NYAP2: variants seen among roughly 807,000 people sequenced by gnomAD.
NYAP2 encodes neuronal tyrosine-phosphorylated phosphoinositide-3-kinase adapter 2.
Under a neutral mutation model 50.4 loss-of-function variants are expected in NYAP2, and 23 were observed. The observed-to-expected ratio is 0.46, with a 90% CI of 0.33 to 0.65. NYAP2 has a LOEUF of 0.65. Ranked by LOEUF, NYAP2 falls within the 30% of genes least tolerant of loss-of-function variation. The pLI, the probability that NYAP2 is intolerant of heterozygous loss-of-function variation, is 0.02. For synonymous variants in NYAP2, 394 were observed against 365.2 expected (o/e 1.08, Z -0.90); for missense variants, 885 against 861.0 (o/e 1.03, Z -0.35).
Position 225,626,968 on chromosome 2 carries a change from AG to A in NYAP2, c.1671del (p.Lys557AsnfsTer37). On this transcript the variant is annotated frameshift_variant, in exon 6 of 7. Transcript: ENST00000636099. LOFTEE classifies it high-confidence loss of function. ...AGCCACAGCACGGAGCCATTACCAA[AG>A]TTGGACAACAAGGAAAGAGGCCACC... The A allele has an allele frequency of 6.3e-7, 1 of 1,586,696 alleles. No individual in the cohort carries two copies. The highest frequency in any genetic ancestry group is 1.8e-5 in the Admixed American group (1 of 55,822).
At position 225,651,158 on chromosome 2, in the gene NYAP2, C is replaced by G. The variant is rs188792151; in HGVS notation, c.1829-274C>G. ...TGGGTTGTTGTTGCTCCAGGGATGA[C>G]TCCATAGAAACCAACCCTAAGTGAG... is the stretch of plus-strand genomic sequence containing the variant. On this transcript the variant is annotated intron_variant, in intron 6 of 6. Transcript: ENST00000636099. Among the ~76,000 whole-genome samples the G allele has an allele frequency of 4.9e-4, 74 of 152,328 alleles. No homozygotes were observed. The East Asian group carries it at 0.014, about 29-fold the overall frequency.
At chr2:225,502,088 G>A (rs1690617889) in intron 3 of NYAP2, among the ~76,000 whole-genome samples, 1 of 152,212 alleles carries the variant, frequency 6.6e-6, no homozygotes, top group South Asian at 2.1e-4. Context: ...TTAGTCCAAA[G>A]AAATGGAAGA....
chr2:225,430,008 G>A (rs1364118949), intron 3 of NYAP2, among the ~76,000 whole-genome samples: 2 of 152,160 alleles, frequency 1.3e-5, no homozygotes, highest in Admixed American at 6.5e-5. Context: ...ATGTGTCAGC[G>A]TAAACTGATA....
At chr2:225,400,297 C>A (rs1694838953) in intron 1 of NYAP2, 42 bp downstream of exon 1, 1 of 145,610 alleles carries the variant, frequency 6.9e-6, no homozygotes, top group Non-Finnish European at 1.5e-5. Context: ...TCAGCAGCAG[C>A]TTCAACAGAC....
intron 3 of NYAP2, among the ~76,000 whole-genome samples, chr2:225,439,501 A>G (rs1238155890): frequency 6.6e-6 from 1 of 152,216 alleles, no homozygotes; most frequent in East Asian, 1.9e-4. Flanking sequence ...GCCTGTAGCC[A>G]TAGAGGTGGG....
intron 5 of NYAP2, among the ~76,000 whole-genome samples, chr2:225,587,466 A>T (rs1379750861): frequency 6.6e-6 from 1 of 152,126 alleles, no homozygotes; most frequent in Non-Finnish European, 1.5e-5. Flanking sequence ...ATGTGAACAG[A>T]TTTGGGCACC....
chr2:225,563,789 G>GAAACTTAAATTTAA, intron 4 of NYAP2, among the ~76,000 whole-genome samples: 1 of 152,174 alleles, frequency 6.6e-6, no homozygotes, highest in East Asian at 1.9e-4. Flanking sequence ...ATTAGTTTTA[G>GAAACTTAAATTTAA]AGTGATTTCT....
chr2:225,482,399 A>T (rs2106165854), intron 3 of NYAP2, among the ~76,000 whole-genome samples: 1 of 152,298 alleles, frequency 6.6e-6, no homozygotes, highest in East Asian at 1.9e-4. Flanking sequence ...GTTCCTCTGC[A>T]GTGTTTCCCT....
At chr2:225,589,115 A>G (rs776658918) in intron 5 of NYAP2, among the ~76,000 whole-genome samples, 1 of 151,942 alleles carries the variant, frequency 6.6e-6, no homozygotes, top group Non-Finnish European at 1.5e-5. Flanking sequence ...GTTGTGGACC[A>G]AGAAACCAGA....
intron 4 of NYAP2, among the ~76,000 whole-genome samples, chr2:225,554,235 A>G (rs1157436822): frequency 7.0e-6 from 1 of 141,980 alleles, no homozygotes; most frequent in African/African-American, 2.7e-5. Flanking sequence ...CTTTTCTCCT[A>G]TGGCCTTAGT....
chr2:225,486,910 G>A (rs1690310171), intron 3 of NYAP2, among the ~76,000 whole-genome samples: 1 of 152,206 alleles, frequency 6.6e-6, no homozygotes, highest in Admixed American at 6.5e-5. Flanking sequence ...AATGGGAAGG[G>A]CCCTACAGTT....
In NYAP2 at chr2:225,421,585, T is replaced by C. The variant is rs898865156; in HGVS notation, c.221+12484T>C. Among the ~76,000 whole-genome samples, 6 of 152,296 alleles carry C rather than the reference T, an allele frequency of 3.9e-5. No individual in the cohort carries two copies. In the East Asian group the frequency reaches 1.2e-3, roughly 29 times the overall value. ...CTTTTTATCCTCCTCCTATACCAGG[T>C]TGGAAATTACATAGGAGGGAATGTT... On this transcript the variant is annotated intron_variant, in intron 3 of 6. Transcript: ENST00000636099.
chr2:225,660,125 A>AC, the NYAP2 span, among the ~76,000 whole-genome samples: 37 of 151,888 alleles, frequency 2.4e-4, no homozygotes, highest in East Asian at 7.7e-4. Context: ...TGTCCTTGGT[A>AC]CCCCCCTAGA....
intron 4 of NYAP2, among the ~76,000 whole-genome samples, chr2:225,531,188 C>A (rs1400804634): frequency 1.3e-5 from 2 of 152,202 alleles, no homozygotes; most frequent in African/African-American, 4.8e-5. Flanking sequence ...CAGAGCCACA[C>A]CTCCTGCCAA....
chr2:225,398,910 T>A (rs535303602), upstream of NYAP2, among the ~76,000 whole-genome samples: 12 of 152,196 alleles, frequency 7.9e-5, 1 homozygote, highest in East Asian at 2.1e-3. Context: ...CCCAGATACT[T>A]ACAAGTTAAA....
Position 225,588,194 on chromosome 2 carries a change from G to A in NYAP2, c.1618+5159G>A, listed in dbSNP as rs112184229. ...GCCTGCCTCGGCTTCCCAAAGTGCT[G>A]GGATTATAGGTGTGAGCCACTGCAC... On this transcript the variant is annotated intron_variant, in intron 5 of 6. Transcript: ENST00000636099. 9.3e-3 allele frequency among the ~76,000 whole-genome samples: 1,410 copies of A among 152,134 alleles called. 39 individuals carry two copies. Among genetic ancestry groups the A allele is most frequent in the African/African-American group, 0.033 (1,352 of 41,502 alleles).
chr2:225,454,418 C>T (rs911330621), intron 3 of NYAP2, among the ~76,000 whole-genome samples: 1 of 152,110 alleles, frequency 6.6e-6, no homozygotes, highest in Non-Finnish European at 1.5e-5. Context: ...TTTTTTAATA[C>T]AATTATAGAC....
intron 6 of NYAP2, among the ~76,000 whole-genome samples, chr2:225,628,489 GT>G (rs1693252532): frequency 6.6e-6 from 1 of 151,654 alleles, no homozygotes; most frequent in African/African-American, 2.4e-5. Context: ...GCCCAGCTAA[GT>G]TTTTGTATTT....
the NYAP2 span, among the ~76,000 whole-genome samples, chr2:225,679,472 T>G: frequency 6.6e-6 from 1 of 151,468 alleles, no homozygotes; most frequent in South Asian, 2.1e-4. Flanking sequence ...CATTCTCATT[T>G]TAAGAGTGGA....
Sources: gnomAD v4.1 joint callset for allele counts (sites outside exome capture counted in the v4.1 genomes callset) on GRCh38, gnomAD v4.1.1 for gene constraint, MANE v1.5 for transcripts, NCBI Gene and HGNC (gene_info 2026-07-23, HGNC 2026-07-21) for gene names.